PDE10A: variants seen among roughly 807,000 people sequenced by gnomAD.
PDE10A encodes phosphodiesterase 10A.
A neutral mutation model predicts 97.7 loss-of-function variants in PDE10A; 39 were observed. That is an observed-to-expected ratio of 0.40 (90% CI 0.31 to 0.52). The LOEUF is 0.52. Among genes scored for constraint, PDE10A ranks in the 20% least tolerant of loss-of-function variants. The probability of loss-of-function intolerance (pLI) is 0.56; values close to 1 mark genes in which losing one functional copy is unlikely to be tolerated. For missense variants in PDE10A, 731 were observed against 1,047.8 expected (o/e 0.70, Z 4.17); for synonymous variants, 371 against 376.8 (o/e 0.98, Z 0.18).
chr6:165,883,564 TAAAAATAAACTCTCCCCCACC>T (rs1236793413), intron 1 of PDE10A, among the ~76,000 whole-genome samples: 1 of 148,652 alleles, frequency 6.7e-6, no homozygotes, highest in Non-Finnish European at 1.5e-5. Context: ...TAAATAAAAA[TAAAAATAAACTCTCCCCCACC>T]AAAGAAGGGT....
At position 165,330,652 on chromosome 6, in the gene PDE10A, T is replaced by C. The variant is rs574390347; in HGVS notation, c.*2373A>G. On this transcript the variant is annotated 3_prime_UTR_variant, in exon 22 of 22. Coordinates refer to ENST00000539869, the MANE Select transcript of PDE10A (RefSeq NM_001385079.1). ...ACTGTTCTAAATAGAGATTACATAA[T>C]ACACTTGACTATAATAAATTAAGAG... The C allele has an allele frequency of 6.6e-6, 1 of 152,294 alleles. No individual in the cohort carries two copies. The highest frequency in any genetic ancestry group is 2.1e-4 in the South Asian group (1 of 4,834). The allele number at this position is 152,294 out of a possible 1,614,324, so 9.4% of individuals were successfully genotyped here.
Position 165,959,725 on chromosome 6 carries a change from G to A in PDE10A, c.-615+27804C>T, listed in dbSNP as rs182828168. Among the ~76,000 whole-genome samples the A allele has an allele frequency of 8.3e-4, 127 of 152,172 alleles. 3 individuals are homozygous for A. The highest frequency in any genetic ancestry group is 7.8e-3 in the Admixed American group (119 of 15,282). On this transcript the variant is annotated intron_variant, in intron 1 of 19. Transcript: ENST00000366882. Reference sequence around the variant, plus strand: ...GCTCTTCTGCTTGGTGAGACCTCCCGAGTAGGGTCTGAAGAGGGCCCTCTC... The same window carrying A: ...GCTCTTCTGCTTGGTGAGACCTCCCAAGTAGGGTCTGAAGAGGGCCCTCTC...
chr6:165,549,239 C>A (rs1221920753), intron 1 of PDE10A, among the ~76,000 whole-genome samples: 1 of 152,188 alleles, frequency 6.6e-6, no homozygotes, highest in Non-Finnish European at 1.5e-5. Context: ...ATTCATTGTT[C>A]TATCACACAA....
chr6:165,797,948 T>C (rs1778873320), intron 1 of PDE10A, among the ~76,000 whole-genome samples: 2 of 152,208 alleles, frequency 1.3e-5, no homozygotes, highest in Admixed American at 1.3e-4. Context: ...ATATAGCAGA[T>C]TAGATAGAAC....
intron 12 of PDE10A, among the ~76,000 whole-genome samples, chr6:165,414,248 G>C (rs1353651760): frequency 6.6e-6 from 1 of 152,136 alleles, no homozygotes; most frequent in Non-Finnish European, 1.5e-5. Flanking sequence ...ACCCCACAAG[G>C]CTGAGCTGTG....
At chr6:165,749,293 T>TTAC (rs1792925612) in intron 1 of PDE10A, among the ~76,000 whole-genome samples, 1 of 58,762 alleles carries the variant, frequency 1.7e-5, no homozygotes, top group East Asian at 5.5e-4. Flanking sequence ...ATCATCACCA[T>TTAC]CACCATCATC....
chr6:165,548,283 T>C (rs1482388287), intron 1 of PDE10A, among the ~76,000 whole-genome samples: 1 of 101,724 alleles, frequency 9.8e-6, no homozygotes, highest in African/African-American at 3.6e-5. Flanking sequence ...TCTCTTTTTT[T>C]TTTTTTTTTT....
intron 1 of PDE10A, among the ~76,000 whole-genome samples, chr6:165,564,075 C>T (rs1038458827): frequency 5.9e-5 from 9 of 152,140 alleles, no homozygotes; most frequent in Non-Finnish European, 1.3e-4. Context: ...TAAAAAATTG[C>T]TGAGCCACAA....
chr6:165,705,661 T>C (rs1285916009), intron 1 of PDE10A, among the ~76,000 whole-genome samples: 8 of 152,358 alleles, frequency 5.3e-5, no homozygotes, highest in East Asian at 1.9e-4. Context: ...ACATAGCTTT[T>C]GGTTATAATT....
At chr6:165,395,503 G>A (rs1212693795) in intron 14 of PDE10A, among the ~76,000 whole-genome samples, 1 of 152,028 alleles carries the variant, frequency 6.6e-6, no homozygotes, top group Non-Finnish European at 1.5e-5. Context: ...TAATCTGTTT[G>A]AAAATGATGC....
At chr6:165,650,408 A>T (rs778765648) in intron 1 of PDE10A, among the ~76,000 whole-genome samples, 3 of 152,160 alleles carry the variant, frequency 2.0e-5, no homozygotes, top group African/African-American at 7.2e-5. Context: ...AGTGTTACAT[A>T]AACAGTTTCT....
At chr6:165,460,590 C>G (rs541355253) in intron 3 of PDE10A, among the ~76,000 whole-genome samples, 1 of 152,156 alleles carries the variant, frequency 6.6e-6, no homozygotes, top group Non-Finnish European at 1.5e-5. Flanking sequence ...CAGCACTGGC[C>G]GTCCGATTGG....
In PDE10A at chr6:165,396,423, G is replaced by A; in HGVS notation, c.2113C>T (p.Arg705Trp). The A allele has an allele frequency of 6.2e-7, 1 of 1,612,460 alleles. No homozygotes were observed. The highest frequency in any genetic ancestry group is 8.5e-7 in the Non-Finnish European group (1 of 1,179,020). The change falls in exon 14 of 22, where the codon CGG becomes TGG. Residue 705 changes from arginine to tryptophan, a missense_variant. Physicochemically the swap from Arg to Trp is moderately radical, Grantham distance 101 (BLOSUM62 -3). Transcript: ENST00000539869. ...HRIRHSECIY[R>W]VTMEKLSYHS... ...TAGGACAGCTTTTCCATCGTTACCC[G>A]GTAAATGCACTCTGAGTGGCGAATT...
At chr6:165,958,009 C>T (rs945985989) in intron 1 of PDE10A, among the ~76,000 whole-genome samples, 8 of 152,170 alleles carry the variant, frequency 5.3e-5, no homozygotes, top group East Asian at 1.9e-4. Context: ...ATGATCGTAA[C>T]GGTCTTTCTC....
At chr6:165,698,420 A>G (rs1791490979) in intron 1 of PDE10A, among the ~76,000 whole-genome samples, 1 of 152,224 alleles carries the variant, frequency 6.6e-6, no homozygotes, top group Non-Finnish European at 1.5e-5. Context: ...AGTCTTACAT[A>G]GGGAACACTA....
At chr6:165,740,185 C>G (rs1487585598) in intron 1 of PDE10A, among the ~76,000 whole-genome samples, 1 of 152,090 alleles carries the variant, frequency 6.6e-6, no homozygotes, top group Non-Finnish European at 1.5e-5. Flanking sequence ...GAAGGAGTCA[C>G]AGTAGCTGTC....
rs1276611010 is a variant in PDE10A at position 165,716,126 on chromosome 6, ACCCCGGC to A, written c.-614-172565_-614-172559del. 2.0e-5 allele frequency among the ~76,000 whole-genome samples: 3 copies of A among 152,292 alleles called. No homozygotes were observed. The East Asian group carries it at 5.8e-4, about 29-fold the overall frequency. ...ATGAAGCCCAGGTGCCAGGGCTCAA[ACCCCGGC>A]CCCAGCTACAGAGGTCTCTGCTCTT... On this transcript the variant is annotated intron_variant, in intron 1 of 19. Transcript: ENST00000366882.
At chr6:165,508,905 A>C (rs1437844696) in intron 2 of PDE10A, among the ~76,000 whole-genome samples, 1 of 152,052 alleles carries the variant, frequency 6.6e-6, no homozygotes, top group Non-Finnish European at 1.5e-5. Context: ...TCATCAAAGA[A>C]AGTTCCTCAT....
At chr6:165,397,637 G>A (rs1044085447) in intron 13 of PDE10A, among the ~76,000 whole-genome samples, 2 of 145,792 alleles carry the variant, frequency 1.4e-5, no homozygotes, top group Admixed American at 1.4e-4. Flanking sequence ...GGGAGGTAGT[G>A]ATTGCAGTGA....
Sources: allele counts gnomAD v4.1 joint callset (sites outside exome capture counted in the v4.1 genomes callset), GRCh38; gene constraint gnomAD v4.1.1; transcripts MANE v1.5; gene names NCBI Gene and HGNC (gene_info 2026-07-23, HGNC 2026-07-21).